The following PPL variants were observed in gnomAD, a reference collection of about 807,000 sequenced individuals.
PPL encodes periplakin, also known as 190 kDa paraneoplastic pemphigus antigen.
A neutral mutation model predicts 194.4 loss-of-function variants in PPL; 198 were observed. That is an observed-to-expected ratio of 1.02 (90% CI 0.91 to 1.15). The LOEUF is 1.15. PPL is among the 50% of genes most tolerant of loss of function. PPL has a pLI of 0.00. For synonymous variants in PPL, 1,220 were observed against 972.4 expected (o/e 1.25, Z -4.74); for missense variants, 2,885 against 2,294.8 (o/e 1.26, Z -5.25).
chr16:4,920,360 A>AAAGC (rs2089023327), intron 1 of PPL, among the ~76,000 whole-genome samples: 1 of 71,956 alleles, frequency 1.4e-5, no homozygotes, highest in Non-Finnish European at 4.7e-5. Flanking sequence ...AGAAAGAAAG[A>AAAGC]AAGAAAGAAA....
chr16:4,885,919 C>G lies in PPL; in HGVS notation c.2736G>C (p.Glu912Asp), dbSNP rs1193450387. The G allele has an allele frequency of 6.2e-7, 1 of 1,612,250 alleles. No individual in the cohort carries two copies. Among genetic ancestry groups the G allele is most frequent in the Non-Finnish European group, 8.5e-7 (1 of 1,180,032 alleles). Residue 912 changes from glutamate to aspartate, a missense_variant, in exon 22 of 22, where the codon GAG (glutamate) becomes GAC (aspartate). Transcript: ENST00000345988. The surrounding 1 kb of genome is among the most constrained non-coding windows in gnomAD (Gnocchi z 6.3). ...AGATTTCTTCCTGGGTGCTCTTGAC[C>G]TCGTTCTCCAGCTGCCGCCTCCGCT... Reference protein sequence around the residue: ...ETERRRQLENEVKSTQEEIWT... With the variant: ...ETERRRQLENDVKSTQEEIWT...
chr16:4,900,186 A>G (rs1254649046), intron 6 of PPL, among the ~76,000 whole-genome samples: 1 of 152,186 alleles, frequency 6.6e-6, no homozygotes, highest in African/African-American at 2.4e-5. Flanking sequence ...ACACTTATGC[A>G]ATTTTTAAAA....
rs2088326066 is a variant in PPL, at chr16:4,891,897, G to A, written c.1882C>T (p.Leu628=). ...EKSLQQSWEL[L]ATHENHLNQD... is the part of the protein sequence containing the mutation. ...TTCAGATGGTTCTCGTGTGTGGCCAGCAACTCCCAGCTCTGCTGCAGGCTC... is the reference window on the plus strand; with the variant it reads ...TTCAGATGGTTCTCGTGTGTGGCCAACAACTCCCAGCTCTGCTGCAGGCTC... The change falls in exon 16 of 22, where the codon CTG becomes TTG. Residue 628 remains leucine, a synonymous_variant. Transcript: ENST00000345988. 1 of 1,613,606 alleles carries A rather than the reference G, an allele frequency of 6.2e-7. No homozygotes were observed. Among genetic ancestry groups the A allele is most frequent in the Non-Finnish European group, 8.5e-7 (1 of 1,180,020 alleles).
rs117337133 is a variant in PPL, at chr16:4,883,442, T to C, written c.5213A>G (p.Tyr1738Cys). ...GRLTPAQYDRYVNKDMSIQEL... is the reference protein window; with the variant it reads ...GRLTPAQYDRCVNKDMSIQEL... The stretch of plus-strand genomic sequence containing the variant: ...CTGGATGGACATATCCTTGTTGACA[T>C]AGCGGTCATACTGAGCAGGGGTCAG... Residue 1738 changes from tyrosine to cysteine, a missense_variant, in exon 22 of 22, where the codon TAT becomes TGT. Transcript: ENST00000345988. The surrounding 1 kb of genome is among the most constrained non-coding windows in gnomAD (Gnocchi z 4.8). 28 of 1,614,178 alleles carry C rather than the reference T, an allele frequency of 1.7e-5. No homozygotes were observed. Among genetic ancestry groups the C allele is most frequent in the East Asian group, 2.2e-5 (1 of 44,878 alleles).
In PPL at chr16:4,884,298, G is replaced by A; in HGVS notation, c.4357C>T (p.Pro1453Ser). Reference protein sequence around the residue: ...HTQKVVLQQDPQQAREHALLR... With the variant: ...HTQKVVLQQDSQQAREHALLR... ...AGGGCATGCTCTCGCGCCTGCTGCG[G>A]GTCCTGCTGCAGCACCACCTTCTGC... The change falls in exon 22 of 22, where the codon CCG becomes TCG. Residue 1453 changes from proline to serine, a missense_variant. Physicochemically the swap from Pro to Ser is moderately conservative, Grantham distance 74 (BLOSUM62 -1). Coordinates refer to ENST00000345988, the MANE Select transcript of PPL (RefSeq NM_002705.5). This position sits in a 1 kb window ranked among gnomAD's most constrained non-coding sequence, Gnocchi z 5.7. 6.2e-6 allele frequency: 10 copies of A among 1,611,218 alleles called. No individual in the cohort carries two copies. The highest frequency in any genetic ancestry group is 8.5e-6 in the Non-Finnish European group (10 of 1,178,236).
rs762357647 is a variant in PPL at position 4,885,180 on chromosome 16, A to G, written c.3475T>C (p.Trp1159Arg). 7.4e-6 allele frequency: 12 copies of G among 1,613,694 alleles called. No homozygotes were observed. Among genetic ancestry groups the G allele is most frequent in the Middle Eastern group, 3.3e-4 (2 of 6,082 alleles). Residue 1159 changes from tryptophan to arginine, a missense_variant, in exon 22 of 22, where the codon TGG becomes CGG. Physicochemically the swap from Trp to Arg is moderately radical, Grantham distance 101 (BLOSUM62 -3). Transcript: ENST00000345988. The surrounding 1 kb of genome is among the most constrained non-coding windows in gnomAD (Gnocchi z 6.3). ...TTGGCGTTCTCCTCCTCCAAGGCCC[A>G]TATCTTTCGGAGCAGCTCCGTCTTC... Reference protein sequence around the residue: ...REKTELLRKIWALEEENAKVV... With the variant: ...REKTELLRKIRALEEENAKVV...
chr16:4,928,568 C>A (rs1380382741), intron 1 of PPL, among the ~76,000 whole-genome samples: 3 of 152,246 alleles, frequency 2.0e-5, no homozygotes, highest in Admixed American at 2.0e-4. Flanking sequence ...ACTGCCTGGG[C>A]TAGGATTTCA....
chr16:4,891,021 T>G (rs1596547367), intron 16 of PPL, 100 bp from the exon 17 acceptor site: 2 of 1,071,208 alleles, frequency 1.9e-6, no homozygotes, highest in Non-Finnish European at 2.6e-6. Context: ...TGTAGGAGGG[T>G]GGGCAAGGCC....
chr16:4,893,557 C>T lies in PPL; in HGVS notation c.1476G>A (p.Lys492=), dbSNP rs2088361506. 1 of 1,612,680 alleles carries T rather than the reference C, an allele frequency of 6.2e-7. No homozygotes were observed. The highest frequency in any genetic ancestry group is 1.3e-5 in the African/African-American group (1 of 75,048). Residue 492 remains lysine (K), a synonymous_variant, in exon 13 of 22, where the codon AAG becomes AAA. Coordinates refer to ENST00000345988, the MANE Select transcript of PPL (RefSeq NM_002705.5). ...GGCACCCACCTCCGGGATTCTCGGT[C>T]TTCAGCACCTCATACCGCTGCTGCA... ...RTLQQRYEVL[K]TENPGDASDL...
chr16:4,912,506 A>G (rs183508228), intron 1 of PPL, among the ~76,000 whole-genome samples: 1 of 152,330 alleles, frequency 6.6e-6, no homozygotes, highest in East Asian at 1.9e-4. Flanking sequence ...TCACGCTGCT[A>G]TGAACGTTCG....
chr16:4,894,655 G>A, intron 11 of PPL, 37 bp from the exon 12 acceptor site: 1 of 1,596,438 alleles, frequency 6.3e-7, no homozygotes, highest in Admixed American at 1.7e-5. Context: ...GATCCCGGCA[G>A]GGCCTGAGGG....
rs187782981 is a variant in PPL, at chr16:4,906,505, G to A, written c.163-2465C>T. Among the ~76,000 whole-genome samples the A allele has an allele frequency of 1.1e-4, 16 of 152,306 alleles. No individual in the cohort carries two copies. The East Asian group carries it at 2.3e-3, about 22-fold the overall frequency. On this transcript the variant is annotated intron_variant, in intron 2 of 21. Coordinates refer to ENST00000345988, the MANE Select transcript of PPL (RefSeq NM_002705.5). ...CTCCCAAAGTTCTGGGATTACAGGC[G>A]TGAGCCACCGCGCCCGGCCTGCTTG... is the stretch of plus-strand genomic sequence containing the variant.
At chr16:4,893,182 G>C (rs765105343) in intron 14 of PPL, 31 bp downstream of exon 14, 1 of 1,507,122 alleles carries the variant, frequency 6.6e-7, no homozygotes. Flanking sequence ...GGGCTCCCCC[G>C]GCCCCACCTG....
chr16:4,901,235 C>T lies in PPL; in HGVS notation c.439-146G>A, dbSNP rs2088562884. On this transcript the variant is annotated intron_variant, in intron 4 of 21. Coordinates refer to ENST00000345988, the MANE Select transcript of PPL (RefSeq NM_002705.5). ...AGCCACAAGGAGATGCTGGCCACAC[C>T]TTCAACCCTGAGGTTCTGTTTGCTG... The T allele has an allele frequency of 3.5e-6, 3 of 865,972 alleles. No homozygotes were observed. The South Asian group carries it at 5.3e-5, about 15-fold the overall frequency. 53.6% of individuals were successfully genotyped at this position (865,972 alleles called of 1,614,324 possible).
At chr16:4,922,388 G>A (rs922092680) in intron 1 of PPL, among the ~76,000 whole-genome samples, 1 of 152,086 alleles carries the variant, frequency 6.6e-6, no homozygotes, top group Non-Finnish European at 1.5e-5. Flanking sequence ...CCAGCTGGGC[G>A]TGGTGGCTCA....
chr16:4,904,617 G>C (rs1308548062), intron 2 of PPL, among the ~76,000 whole-genome samples: 1 of 152,236 alleles, frequency 6.6e-6, no homozygotes, highest in South Asian at 2.1e-4. Flanking sequence ...CCTGAGGCAG[G>C]AGAGAGCGAG....
intron 1 of PPL, among the ~76,000 whole-genome samples, chr16:4,912,816 A>T (rs576526373): frequency 1.3e-5 from 2 of 152,260 alleles, no homozygotes; most frequent in East Asian, 3.9e-4. Context: ...CCTGAAAGAG[A>T]CTTGAGGCCC....
intron 6 of PPL, among the ~76,000 whole-genome samples, chr16:4,899,821 T>C (rs2088520741): frequency 6.6e-6 from 1 of 152,170 alleles, no homozygotes; most frequent in South Asian, 2.1e-4. Context: ...GCTTCTACTT[T>C]TATCTGTATC....
chr16:4,886,156 C>A, intron 21 of PPL, 109 bp from the exon 22 acceptor site: 1 of 1,326,410 alleles, frequency 7.5e-7, no homozygotes, highest in Non-Finnish European at 1.0e-6. Flanking sequence ...GGGACTCCCT[C>A]AGTGCCAGTT....
Sources: allele counts gnomAD v4.1 joint callset (sites outside exome capture counted in the v4.1 genomes callset), GRCh38; gene constraint gnomAD v4.1.1; non-coding constraint Gnocchi (gnomAD v3.1); transcripts MANE v1.5; gene names NCBI Gene and HGNC (gene_info 2026-07-23, HGNC 2026-07-21).